ADAMTSL1: variants seen among roughly 807,000 people sequenced by gnomAD.
ADAMTSL1 encodes the protein ADAMTS like 1.
A neutral mutation model predicts 201.8 loss-of-function variants in ADAMTSL1; 126 were observed. The observed-to-expected ratio is 0.62, with a 90% CI of 0.54 to 0.72. The LOEUF is 0.72. ADAMTSL1 is among the 30% of genes least tolerant of loss of function. ADAMTSL1 has a pLI of 0.00. For synonymous variants in ADAMTSL1, 1,121 were observed against 903.4 expected (o/e 1.24, Z -4.32); for missense variants, 2,679 against 2,277.8 (o/e 1.18, Z -3.59).
intron 2 of ADAMTSL1, among the ~76,000 whole-genome samples, chr9:18,452,799 G>A (rs1047484411): frequency 6.6e-6 from 1 of 152,196 alleles, no homozygotes; most frequent in Non-Finnish European, 1.5e-5. Context: ...TAGGGTAGAG[G>A]TTGGGCCGCC....
intron 15 of ADAMTSL1, among the ~76,000 whole-genome samples, chr9:18,734,212 G>T (rs1296118724): frequency 1.3e-5 from 2 of 152,134 alleles, no homozygotes; most frequent in African/African-American, 2.4e-5. Flanking sequence ...CTCTATGAAT[G>T]GTAATAGAGA....
chr9:18,037,352 T>C (rs766819452), intron 1 of ADAMTSL1, among the ~76,000 whole-genome samples: 5 of 152,160 alleles, frequency 3.3e-5, no homozygotes, highest in Non-Finnish European at 7.3e-5. Flanking sequence ...GTGTCTGTGG[T>C]CCCCTACACA....
At chr9:18,183,095 G>A (rs995327340) in intron 2 of ADAMTSL1, among the ~76,000 whole-genome samples, 1 of 152,122 alleles carries the variant, frequency 6.6e-6, no homozygotes, top group Non-Finnish European at 1.5e-5. Context: ...CTCCCCAACT[G>A]ATCTTTGATA....
In ADAMTSL1 at chr9:18,570,162, C is replaced by T. The variant is rs184096881; in HGVS notation, c.238-3868C>T. Among the ~76,000 whole-genome samples, 26 of 151,576 alleles carry T rather than the reference C, an allele frequency of 1.7e-4. 1 individual carries two copies. The highest frequency in any genetic ancestry group is 3.4e-3 in the Middle Eastern group (1 of 290). On this transcript the variant is annotated intron_variant, in intron 3 of 28. Transcript: ENST00000380548. ...TAGCATGAGTCCAAGGGTTCCAGAC[C>T]TGTCTGAGCAACTTCGAGACTTGCC...
chr9:18,027,979 C>CT (rs536841814), intron 1 of ADAMTSL1, among the ~76,000 whole-genome samples: 2 of 151,998 alleles, frequency 1.3e-5, no homozygotes, highest in East Asian at 1.9e-4. Flanking sequence ...CTTCTTTGTT[C>CT]TTTTTTACTA....
At chr9:18,599,705 G>C (rs2132528863) in intron 4 of ADAMTSL1, among the ~76,000 whole-genome samples, 1 of 151,698 alleles carries the variant, frequency 6.6e-6, no homozygotes, top group Non-Finnish European at 1.5e-5. Context: ...TGCAGCCTAT[G>C]GATAACTTCT....
chr9:18,221,032 C>A (rs1424250261), intron 2 of ADAMTSL1, among the ~76,000 whole-genome samples: 2 of 152,112 alleles, frequency 1.3e-5, no homozygotes, highest in Non-Finnish European at 2.9e-5. Context: ...TCTTTGGCCT[C>A]CCAAAGTTCG....
intron 1 of ADAMTSL1, among the ~76,000 whole-genome samples, chr9:18,490,203 G>T (rs534732405): frequency 6.6e-6 from 1 of 152,160 alleles, no homozygotes; most frequent in Non-Finnish European, 1.5e-5. Flanking sequence ...GCAGGCTGGG[G>T]TCCCAGTTGT....
chr9:18,029,301 A>T lies in ADAMTSL1; in HGVS notation c.87+122379A>T, dbSNP rs1249078781. Reference sequence around the variant, plus strand: ...GCCAGAACAAAGCCATAGGGAAAGGATTTCCTATTTAATAAATGGTGCTGG... The same window carrying T: ...GCCAGAACAAAGCCATAGGGAAAGGTTTTCCTATTTAATAAATGGTGCTGG... On this transcript the variant is annotated intron_variant, in intron 1 of 29. Transcript: ENST00000680146. 2.0e-5 allele frequency among the ~76,000 whole-genome samples: 3 copies of T among 152,132 alleles called. No homozygotes were observed. The East Asian group carries it at 5.8e-4, about 29-fold the overall frequency.
At chr9:18,535,778 T>C (rs1188565034) in intron 3 of ADAMTSL1, among the ~76,000 whole-genome samples, 3 of 152,102 alleles carry the variant, frequency 2.0e-5, no homozygotes, top group Non-Finnish European at 4.4e-5. Context: ...GAGAACTGAG[T>C]GAAGGGAGAA....
chr9:18,773,378 G>A (rs894275001), intron 17 of ADAMTSL1, among the ~76,000 whole-genome samples: 13 of 151,770 alleles, frequency 8.6e-5, no homozygotes, highest in African/African-American at 1.2e-4. Context: ...CTATTTTATG[G>A]AAGTTGCTCC....
intron 2 of ADAMTSL1, among the ~76,000 whole-genome samples, chr9:18,513,235 G>A (rs1177827271): frequency 6.6e-6 from 1 of 152,120 alleles, no homozygotes; most frequent in Non-Finnish European, 1.5e-5. Context: ...CAGCAGTGCT[G>A]TGCAGCAGAT....
chr9:18,021,926 G>C (rs1167063372), intron 1 of ADAMTSL1, among the ~76,000 whole-genome samples: 6 of 152,114 alleles, frequency 3.9e-5, no homozygotes, highest in African/African-American at 7.2e-5. Context: ...GTGGCTATTG[G>C]GGATGTTTCT....
intron 2 of ADAMTSL1, among the ~76,000 whole-genome samples, chr9:18,248,299 G>A (rs1202183496): frequency 6.6e-6 from 1 of 152,064 alleles, no homozygotes; most frequent in African/African-American, 2.4e-5. Flanking sequence ...TCTGAAAACG[G>A]CATCAGACAG....
chr9:18,706,970 G>T lies in ADAMTSL1; in HGVS notation c.1798G>T (p.Gly600Cys), dbSNP rs759212406. Residue 600 changes from glycine (G) to cysteine (C), a missense_variant, in exon 14 of 29, where the codon GGT (glycine) becomes TGT (cysteine). Coordinates refer to ENST00000380548, the MANE Select transcript of ADAMTSL1 (RefSeq NM_001040272.6). ...CCCAGACGAGACAGATGGGCTCTTTGGTGGCCTGCAGGATTTCGACGAGCT... is the reference window on the plus strand; with the variant it reads ...CCCAGACGAGACAGATGGGCTCTTTTGTGGCCTGCAGGATTTCGACGAGCT... ...FNPDETDGLF[G>C]GLQDFDELYD... The T allele has an allele frequency of 3.7e-6, 6 of 1,613,972 alleles. No individual in the cohort carries two copies. Among genetic ancestry groups the T allele is most frequent in the Non-Finnish European group, 5.1e-6 (6 of 1,179,888 alleles).
intron 15 of ADAMTSL1, 36 bp downstream of exon 15, chr9:18,721,701 C>T: frequency 1.9e-6 from 3 of 1,609,114 alleles, no homozygotes; most frequent in Non-Finnish European, 2.5e-6. Context: ...TGTCCAGGGG[C>T]ACGTACAGAA....
intron 1 of ADAMTSL1, among the ~76,000 whole-genome samples, chr9:17,998,693 C>A (rs942772537): frequency 1.3e-5 from 2 of 151,934 alleles, no homozygotes; most frequent in Admixed American, 1.3e-4. Flanking sequence ...AAAGTCAGAC[C>A]ATGGCATGGG....
At chr9:18,087,445 T>C (rs1823815151) in intron 1 of ADAMTSL1, among the ~76,000 whole-genome samples, 2 of 152,136 alleles carry the variant, frequency 1.3e-5, no homozygotes, top group Admixed American at 1.3e-4. Flanking sequence ...AGTGAAATAA[T>C]ATGAAAGTGG....
chr9:18,811,039 A>C (rs1456001051), intron 20 of ADAMTSL1, among the ~76,000 whole-genome samples: 2 of 149,130 alleles, frequency 1.3e-5, no homozygotes, highest in African/African-American at 2.5e-5. Context: ...AAAAAAACAA[A>C]CACCAGCTAG....
Sources: allele counts gnomAD v4.1 joint callset (sites outside exome capture counted in the v4.1 genomes callset), GRCh38; gene constraint gnomAD v4.1.1; transcripts MANE v1.5; gene names NCBI Gene and HGNC (gene_info 2026-07-23, HGNC 2026-07-21).